DLG2: variants seen among roughly 807,000 people sequenced by gnomAD.
DLG2 encodes the protein disks large homolog 2.
DLG2 carries 45 observed loss-of-function variants against 132.5 expected under a neutral mutation model. The ratio of observed to expected loss-of-function variants is 0.34; its 90% confidence interval spans 0.27 to 0.44. DLG2 has a LOEUF of 0.44. DLG2 is among the 20% of genes least tolerant of loss of function. The pLI, the probability that DLG2 is intolerant of heterozygous loss-of-function variation, is 1.00. For synonymous variants in DLG2, 424 were observed against 419.6 expected (o/e 1.01, Z -0.13); for missense variants, 1,045 against 1,196.9 (o/e 0.87, Z 1.87).
chr11:83,497,518 CAG>C (rs2094209306), intron 21 of DLG2, among the ~76,000 whole-genome samples: 2 of 150,272 alleles, frequency 1.3e-5, no homozygotes, highest in Admixed American at 1.3e-4. Flanking sequence ...CTGGGCAACA[CAG>C]AGAGACTTCG....
chr11:83,987,378 C>T (rs1425719112), intron 11 of DLG2, among the ~76,000 whole-genome samples: 9 of 151,770 alleles, frequency 5.9e-5, no homozygotes, highest in Admixed American at 4.0e-4. Flanking sequence ...AAAAAGAGCC[C>T]GCATCGCCAA....
At position 85,028,396 on chromosome 11, in the gene DLG2, T is replaced by A. The variant is rs142311657; in HGVS notation, c.357+83265A>T. Among the ~76,000 whole-genome samples the A allele has an allele frequency of 2.6e-5, 4 of 152,258 alleles. No homozygotes were observed. In the East Asian group the frequency reaches 7.7e-4, roughly 29 times the overall value. ...GCCTGGCCCCCATGCTTCAGGCCGTTCTTGGCTTGAAGGTGAGGCTTCACC... is the reference window on the plus strand; with the variant it reads ...GCCTGGCCCCCATGCTTCAGGCCGTACTTGGCTTGAAGGTGAGGCTTCACC... On this transcript the variant is annotated intron_variant, in intron 6 of 27. Coordinates refer to ENST00000376104, the MANE Select transcript of DLG2 (RefSeq NM_001142699.3).
chr11:84,959,600 T>C (rs1683697897), intron 6 of DLG2, among the ~76,000 whole-genome samples: 1 of 152,306 alleles, frequency 6.6e-6, no homozygotes, highest in African/African-American at 2.4e-5. Context: ...CCATGTTAGT[T>C]TCTTAAAAAA....
intron 6 of DLG2, among the ~76,000 whole-genome samples, chr11:85,078,396 A>G (rs2066824598): frequency 6.6e-6 from 1 of 151,774 alleles, no homozygotes; most frequent in Non-Finnish European, 1.5e-5. Context: ...CAGAAGAAAA[A>G]GCAAGTGTAA....
intron 19 of DLG2, among the ~76,000 whole-genome samples, chr11:83,543,895 G>A (rs2096160734): frequency 6.6e-6 from 1 of 152,102 alleles, no homozygotes; most frequent in South Asian, 2.1e-4. Context: ...GATTTTGGGA[G>A]GGTTCCCACC....
chr11:84,700,167 G>A (rs2059068934), intron 6 of DLG2, among the ~76,000 whole-genome samples: 2 of 151,468 alleles, frequency 1.3e-5, no homozygotes, highest in Non-Finnish European at 1.5e-5. Context: ...ACCTTACAGT[G>A]TTCATTAAAG....
chr11:85,412,172 C>A (rs972313859), intron 3 of DLG2, among the ~76,000 whole-genome samples: 1 of 151,830 alleles, frequency 6.6e-6, no homozygotes, highest in Admixed American at 6.6e-5. Flanking sequence ...CCTAAGTCGG[C>A]TCAATAAGAC....
intron 15 of DLG2, among the ~76,000 whole-genome samples, chr11:83,902,022 ATTT>A (rs138423997): frequency 0.068 from 10,374 of 151,636 alleles, 489 homozygotes; most frequent in African/African-American, 0.13. Context: ...TATTCAAGGT[ATTT>A]TTTTTTCTTG....
chr11:85,544,642 C>A (rs778369461), intron 3 of DLG2, among the ~76,000 whole-genome samples: 12 of 152,076 alleles, frequency 7.9e-5, no homozygotes, highest in Non-Finnish European at 1.5e-4. Context: ...TGTTTTTCCA[C>A]TTGATTGTGT....
At chr11:84,417,101 CAT>C (rs1269340878) in intron 7 of DLG2, among the ~76,000 whole-genome samples, 1 of 152,168 alleles carries the variant, frequency 6.6e-6, no homozygotes, top group African/African-American at 2.4e-5. Context: ...AAGACAGCAA[CAT>C]AGTGTCCAGC....
At chr11:85,441,102 T>A (rs1375596322) in intron 3 of DLG2, among the ~76,000 whole-genome samples, 1 of 152,174 alleles carries the variant, frequency 6.6e-6, no homozygotes, top group African/African-American at 2.4e-5. Flanking sequence ...TCTTAACCCT[T>A]TGTGATGGGG....
intron 4 of DLG2, among the ~76,000 whole-genome samples, chr11:85,208,845 A>C (rs551471522): frequency 6.6e-6 from 1 of 152,260 alleles, no homozygotes; most frequent in East Asian, 1.9e-4. Flanking sequence ...GGCAATTGCA[A>C]ACAAGGGAGG....
chr11:84,941,609 G>A (rs1484273997), intron 6 of DLG2, among the ~76,000 whole-genome samples: 1 of 151,294 alleles, frequency 6.6e-6, no homozygotes, highest in Non-Finnish European at 1.5e-5. Context: ...TTTTTAATGT[G>A]TTGTTGAATT....
chr11:83,469,423 C>T (rs1410940707), intron 24 of DLG2, 50 bp from the exon 25 acceptor site: 1 of 1,455,382 alleles, frequency 6.9e-7, no homozygotes, highest in Admixed American at 1.9e-5. Flanking sequence ...TACCCATAAA[C>T]TTGCTTTACA....
chr11:84,967,568 TAGAGAA>T (rs1379701865), intron 6 of DLG2, among the ~76,000 whole-genome samples: 1 of 152,156 alleles, frequency 6.6e-6, no homozygotes, highest in African/African-American at 2.4e-5. Flanking sequence ...ATAGAAGAGA[TAGAGAA>T]AAAGTTGGAC....
rs967592729 is a variant in DLG2 at position 83,544,656 on chromosome 11, C to T, written c.1941-2798G>A. On this transcript the variant is annotated intron_variant, in intron 19 of 27. Transcript: ENST00000376104. The stretch of plus-strand genomic sequence containing the variant: ...TAACCATGATGGCTACTACTACTTA[C>T]GCCCTTATTAGGTGGTCTGGCACTT... Among the ~76,000 whole-genome samples, 10 of 152,052 alleles carry T rather than the reference C, an allele frequency of 6.6e-5. No individual in the cohort carries two copies. The South Asian group carries it at 1.0e-3, about 16-fold the overall frequency.
In DLG2 at chr11:83,887,321, C is replaced by T. The variant is rs943936130; in HGVS notation, c.1497-12833G>A. On this transcript the variant is annotated intron_variant, in intron 15 of 27. Coordinates refer to ENST00000376104, the MANE Select transcript of DLG2 (RefSeq NM_001142699.3). ...TACCATCAGAGAATACTACAAACAC[C>T]TCTACGCAAATAAACTAGAAAATCT... Among the ~76,000 whole-genome samples the T allele has an allele frequency of 1.4e-4, 21 of 151,926 alleles. 1 individual carries two copies. The highest frequency in any genetic ancestry group is 1.2e-3 in the Admixed American group (18 of 15,256).
At chr11:83,903,307 T>A (rs1418583878) in intron 15 of DLG2, among the ~76,000 whole-genome samples, 1 of 152,088 alleles carries the variant, frequency 6.6e-6, no homozygotes, top group Admixed American at 6.6e-5. Context: ...TAAAAATTAA[T>A]TTTTGAAATA....
At chr11:84,705,018 C>G (rs1246079557) in intron 6 of DLG2, among the ~76,000 whole-genome samples, 5 of 151,376 alleles carry the variant, frequency 3.3e-5, no homozygotes, top group Non-Finnish European at 7.4e-5. Context: ...TTTGAGGTGG[C>G]TTGCTAGTTA....
Sources: gnomAD v4.1 joint callset for allele counts (sites outside exome capture counted in the v4.1 genomes callset) on GRCh38, gnomAD v4.1.1 for gene constraint, MANE v1.5 for transcripts, NCBI Gene and HGNC (gene_info 2026-07-23, HGNC 2026-07-21) for gene names.